NAA60: variants seen among roughly 807,000 people sequenced by gnomAD.
The protein encoded by NAA60 is N-alpha-acetyltransferase 60, NatF catalytic subunit.
NAA60 carries 8 observed loss-of-function variants against 26.1 expected under a neutral mutation model. The ratio of observed to expected loss-of-function variants is 0.31; its 90% confidence interval spans 0.18 to 0.55. NAA60 has a LOEUF of 0.55. Ranked by LOEUF, NAA60 falls within the 20% of genes least tolerant of loss-of-function variation. NAA60 has a pLI of 0.93. For missense variants in NAA60, 290 were observed against 311.3 expected (o/e 0.93, Z 0.51); for synonymous variants, 131 against 122.5 (o/e 1.07, Z -0.46).
chr16:3,459,768 C>T lies in NAA60; in HGVS notation c.-7+11228C>T, dbSNP rs1406498633. Among the ~76,000 whole-genome samples, 4 of 152,184 alleles carry T rather than the reference C, an allele frequency of 2.6e-5. No individual in the cohort carries two copies. The East Asian group carries it at 7.7e-4, about 29-fold the overall frequency. Reference sequence around the variant, plus strand: ...ACACACAGACAGCTTTTTAAAAGGTCTGTGTCCGTCCTATCTTTAGCCTCT... The same window carrying T: ...ACACACAGACAGCTTTTTAAAAGGTTTGTGTCCGTCCTATCTTTAGCCTCT... On this transcript the variant is annotated intron_variant, in intron 2 of 7. Transcript: ENST00000407558.
intron 2 of NAA60, chr16:3,467,728 G>A (rs1205873416): frequency 6.6e-6 from 1 of 152,198 alleles, no homozygotes; most frequent in African/African-American, 2.4e-5. Flanking sequence ...ACACACCTGT[G>A]GGTGCTGGAG....
chr16:3,457,549 C>T (rs1362819937), intron 2 of NAA60, among the ~76,000 whole-genome samples: 3 of 152,254 alleles, frequency 2.0e-5, no homozygotes, highest in Non-Finnish European at 4.4e-5. Flanking sequence ...TGCCTTTCGC[C>T]AGAATCGGAC....
chr16:3,471,982 A>G (rs1197982126), intron 2 of NAA60, among the ~76,000 whole-genome samples: 1 of 152,058 alleles, frequency 6.6e-6, no homozygotes, highest in Non-Finnish European at 1.5e-5. Flanking sequence ...AGTGTGGGTA[A>G]GTGGTTTCTG....
intron 2 of NAA60, among the ~76,000 whole-genome samples, chr16:3,469,987 G>T (rs185470364): frequency 6.6e-6 from 1 of 152,198 alleles, no homozygotes; most frequent in African/African-American, 2.4e-5. Flanking sequence ...TCCTCTGTGC[G>T]CCGGGCCTGC....
At chr16:3,476,043 G>C (rs1429066935) in intron 2 of NAA60, 179 bp from the exon 3 acceptor site, 1 of 577,154 alleles carries the variant, frequency 1.7e-6, no homozygotes, top group Non-Finnish European at 3.1e-6. Flanking sequence ...CCCAGCGATG[G>C]GGGCGACTGC....
intron 2 of NAA60, among the ~76,000 whole-genome samples, chr16:3,451,201 TGAAAA>T (rs990461914): frequency 4.6e-5 from 7 of 152,214 alleles, no homozygotes; most frequent in African/African-American, 1.7e-4. Context: ...AAGGAAGAAA[TGAAAA>T]GAATCCAGTA....
At chr16:3,462,149 A>G (rs1187338222) in intron 2 of NAA60, among the ~76,000 whole-genome samples, 1 of 151,234 alleles carries the variant, frequency 6.6e-6, no homozygotes, top group African/African-American at 2.4e-5. Context: ...GTTATTAAAA[A>G]GCAAATGGCA....
Position 3,443,721 on chromosome 16 carries a change from G to A in NAA60, c.-193G>A. The A allele has an allele frequency of 6.8e-7, 1 of 1,477,246 alleles. No homozygotes were observed. The highest frequency in any genetic ancestry group is 2.4e-5 in the Admixed American group (1 of 42,064). 91.5% of individuals were successfully genotyped at this position (1,477,246 alleles called of 1,614,324 possible). ...GGTCTCCTCCGTGAGCTCCGGGCCT[G>A]TTTGCCTGCTGAAGTAGAGTCTTAG... On this transcript the variant is annotated 5_prime_UTR_variant, in exon 1 of 8. Transcript: ENST00000407558.
rs984970380 is a variant in NAA60 at position 3,455,398 on chromosome 16, T to G, written c.-7+6858T>G. Among the ~76,000 whole-genome samples, 36 of 145,674 alleles carry G rather than the reference T, an allele frequency of 2.5e-4. No individual in the cohort carries two copies. The East Asian group carries it at 2.8e-3, about 11-fold the overall frequency. On this transcript the variant is annotated intron_variant, in intron 2 of 7. Coordinates refer to ENST00000407558, the MANE Select transcript of NAA60 (RefSeq NM_001083601.3). ...AAAAGAGTTTTTAGTTTTTTTTTTT[T>G]TTTTTTTTTTGAGACGGAGTCTCGC...
chr16:3,447,711 A>G (rs886811441), intron 1 of NAA60: 38 of 841,618 alleles, frequency 4.5e-5, no homozygotes, highest in Admixed American at 1.2e-4. Context: ...AACTGTTGCT[A>G]CCTAGTCTCC....
intron 2 of NAA60, among the ~76,000 whole-genome samples, chr16:3,455,951 C>T (rs1262637048): frequency 1.4e-4 from 21 of 149,444 alleles, no homozygotes; most frequent in African/African-American, 3.9e-4. Context: ...ATGGTTCACC[C>T]GACTTGACCT....
At chr16:3,484,639 T>A in intron 6 of NAA60, 60 bp from the exon 7 acceptor site, 1 of 1,546,546 alleles carries the variant, frequency 6.5e-7, no homozygotes, top group South Asian at 1.2e-5. Context: ...GGGCCCCTGA[T>A]GACTGTGCCC....
At chr16:3,456,449 T>G (rs189053767) in intron 2 of NAA60, among the ~76,000 whole-genome samples, 1 of 152,272 alleles carries the variant, frequency 6.6e-6, no homozygotes, top group Non-Finnish European at 1.5e-5. Context: ...TTCCTTTTTT[T>G]TTTTAACCCC....
intron 2 of NAA60, among the ~76,000 whole-genome samples, chr16:3,465,739 C>T (rs761644867): frequency 8.5e-5 from 13 of 152,174 alleles, no homozygotes; most frequent in Non-Finnish European, 1.0e-4. Context: ...TGAGATTCCT[C>T]TAGCAAAAGC....
chr16:3,485,628 C>G lies in NAA60; in HGVS notation c.*368C>G, dbSNP rs1162413576. 2.2e-6 allele frequency: 1 copy of G among 456,614 alleles called. No homozygotes were observed. The highest frequency in any genetic ancestry group is 3.3e-4 in the Middle Eastern group (1 of 3,076). 28.3% of individuals were successfully genotyped at this position (456,614 alleles called of 1,614,324 possible). A position where few individuals can be genotyped will look rare whatever the true frequency, so the allele number is the denominator to read the frequency against. On this transcript the variant is annotated 3_prime_UTR_variant, in exon 8 of 8. Transcript: ENST00000407558. The stretch of plus-strand genomic sequence containing the variant: ...CCCACTCCGCTGCCTGTTCTTGCAG[C>G]TCCTTCCTGGAAAGCTGGAGGGGAC...
chr16:3,452,610 T>C lies in NAA60; in HGVS notation c.-7+4070T>C, dbSNP rs374853855. On this transcript the variant is annotated intron_variant, in intron 2 of 7. Transcript: ENST00000407558. ...GGCAGAAGTTGCAGTGAGCCAAAGA[T>C]TGTGTCACACTCCAGCCGGAGGGGC... Among the ~76,000 whole-genome samples, 3 of 150,848 alleles carry C rather than the reference T, an allele frequency of 2.0e-5. No homozygotes were observed. In the East Asian group the frequency reaches 5.9e-4, roughly 30 times the overall value.
rs944993329 is a variant in NAA60, at chr16:3,483,726, C to G, written c.572+129C>G. On this transcript the variant is annotated intron_variant, in intron 6 of 7. Coordinates refer to ENST00000407558, the MANE Select transcript of NAA60 (RefSeq NM_001083601.3). ...TGGCCAAGCTTATGGATGCTTCTCTCCCTTACCTGATCGTGTTGTGGGTAA... is the reference window on the plus strand; with the variant it reads ...TGGCCAAGCTTATGGATGCTTCTCTGCCTTACCTGATCGTGTTGTGGGTAA... 3 of 706,572 alleles carry G rather than the reference C, an allele frequency of 4.2e-6. No individual in the cohort carries two copies. The African/African-American group carries it at 5.4e-5, about 13-fold the overall frequency. The allele number at this position is 706,572 out of a possible 1,614,324, so 43.8% of individuals were successfully genotyped here.
intron 1 of NAA60, chr16:3,447,598 TC>T: frequency 1.0e-6 from 1 of 985,436 alleles, no homozygotes; most frequent in African/African-American, 1.7e-5. Context: ...CAGAGCCTTC[TC>T]ACCTACACTA....
At chr16:3,461,780 A>T (rs1359646049) in intron 2 of NAA60, among the ~76,000 whole-genome samples, 3 of 152,142 alleles carry the variant, frequency 2.0e-5, no homozygotes, top group African/African-American at 7.2e-5. Context: ...AAAGAAAGGC[A>T]TTTTCTCGTG....
Sources: allele counts gnomAD v4.1 joint callset (sites outside exome capture counted in the v4.1 genomes callset), GRCh38; gene constraint gnomAD v4.1.1; transcripts MANE v1.5; gene names NCBI Gene and HGNC (gene_info 2026-07-23, HGNC 2026-07-21).